B3GNT3: variants seen among roughly 807,000 people sequenced by gnomAD.
B3GNT3 encodes the protein UDP-GlcNAc:betaGal beta-1,3-N-acetylglucosaminyltransferase 3, also known as N-acetyllactosaminide beta-1,3-N-acetylglucosaminyltransferase 3.
In B3GNT3, 7 loss-of-function variants were observed where a neutral mutation model predicts 11.6. That is an observed-to-expected ratio of 0.60 (90% CI 0.34 to 1.13). The LOEUF (loss-of-function observed/expected upper bound fraction) is 1.13. Ranked by LOEUF, B3GNT3 falls within the 50% of genes most tolerant of loss-of-function variation. The probability of loss-of-function intolerance (pLI) is 0.03; values close to 1 mark genes in which losing one functional copy is unlikely to be tolerated. For missense variants in B3GNT3, 400 were observed against 507.4 expected (o/e 0.79, Z 2.03); for synonymous variants, 201 against 222.1 (o/e 0.90, Z 0.85).
At position 17,808,379 on chromosome 19, in the gene B3GNT3, G is replaced by T; in HGVS notation, c.567+5G>T. 6.3e-7 allele frequency: 1 copy of T among 1,596,970 alleles called. No homozygotes were observed. Among genetic ancestry groups the T allele is most frequent in the Non-Finnish European group, 8.6e-7 (1 of 1,169,430 alleles). ...TTCAACCTCACGCTCAAGCAGGTGC[G>T]CTGGACTGGGGTCACCTGATCGGGG... On this transcript the variant is annotated splice_donor_5th_base_variant and intron_variant, in intron 2 of 2. Transcript: ENST00000318683.
At chr19:17,798,898 A>G (rs1439528528) in intron 1 of B3GNT3, among the ~76,000 whole-genome samples, 1 of 151,914 alleles carries the variant, frequency 6.6e-6, no homozygotes, top group Non-Finnish European at 1.5e-5. Context: ...TGAGCCCTGG[A>G]GTTGGAGGCT....
chr19:17,798,874 G>T (rs1228734749), intron 1 of B3GNT3, among the ~76,000 whole-genome samples: 1 of 152,068 alleles, frequency 6.6e-6, no homozygotes, highest in Non-Finnish European at 1.5e-5. Flanking sequence ...GGAGGCTGAG[G>T]CAAGAGGATC....
chr19:17,805,336 C>G (rs1157573696), intron 1 of B3GNT3, among the ~76,000 whole-genome samples: 1 of 151,922 alleles, frequency 6.6e-6, no homozygotes, highest in Non-Finnish European at 1.5e-5. Context: ...TAAGCTCAAG[C>G]GATCCTCCTA....
intron 1 of B3GNT3, among the ~76,000 whole-genome samples, chr19:17,802,853 CT>C (rs796924754): frequency 2.7e-5 from 4 of 150,716 alleles, no homozygotes; most frequent in East Asian, 2.0e-4. Context: ...AATTTTTTTA[CT>C]TTTTTTTTTA....
intron 2 of B3GNT3, among the ~76,000 whole-genome samples, chr19:17,810,890 AT>A (rs898227208): frequency 1.8e-4 from 26 of 148,298 alleles, no homozygotes; most frequent in Non-Finnish European, 2.1e-4. Context: ...CTCCAAAAAA[AT>A]AATAATAATA....
chr19:17,807,650 T>G lies in B3GNT3; in HGVS notation c.-50-108T>G, dbSNP rs538967445. The stretch of plus-strand genomic sequence containing the variant: ...GGAGGAGTTAAGTGGGGGGTGAATT[T>G]CAATATTTTGCCAACCTGAGCAACT... On this transcript the variant is annotated intron_variant, in intron 1 of 2. Transcript: ENST00000318683. 7 of 682,318 alleles carry G rather than the reference T, an allele frequency of 1.0e-5. No homozygotes were observed. In the East Asian group the frequency reaches 1.7e-4, roughly 16 times the overall value. 42.3% of individuals were successfully genotyped at this position (682,318 alleles called of 1,614,324 possible).
intron 1 of B3GNT3, among the ~76,000 whole-genome samples, chr19:17,803,203 A>G (rs2094168535): frequency 6.6e-6 from 1 of 151,748 alleles, no homozygotes; most frequent in Admixed American, 6.6e-5. Flanking sequence ...ACAGAGTTTC[A>G]CCATGTTGGC....
chr19:17,809,612 A>C (rs2094178065), intron 2 of B3GNT3, among the ~76,000 whole-genome samples: 1 of 151,576 alleles, frequency 6.6e-6, no homozygotes, highest in African/African-American at 2.4e-5. Context: ...ATGCCCAGCT[A>C]ATTTTTTTGT....
At chr19:17,806,813 G>A (rs551178321) in intron 1 of B3GNT3, among the ~76,000 whole-genome samples, 50 of 152,066 alleles carry the variant, frequency 3.3e-4, no homozygotes, top group African/African-American at 9.2e-4. Context: ...TTAACTGGGC[G>A]TGGTGGCGCG....
At chr19:17,806,672 G>A (rs1032856920) in intron 1 of B3GNT3, among the ~76,000 whole-genome samples, 4 of 152,116 alleles carry the variant, frequency 2.6e-5, no homozygotes, top group African/African-American at 4.8e-5. Flanking sequence ...TCTGGGTTCC[G>A]GCTGGGGACG....
At chr19:17,806,671 C>T (rs780378937) in intron 1 of B3GNT3, among the ~76,000 whole-genome samples, 8 of 151,994 alleles carry the variant, frequency 5.3e-5, no homozygotes, top group East Asian at 1.9e-4. Context: ...TTCTGGGTTC[C>T]GGCTGGGGAC....
At position 17,798,397 on chromosome 19, in the gene B3GNT3, G is replaced by A. The variant is rs368525735; in HGVS notation, c.-51+3191G>A. 5.9e-5 allele frequency among the ~76,000 whole-genome samples: 9 copies of A among 152,272 alleles called. No individual in the cohort carries two copies. The South Asian group carries it at 8.3e-4, about 14-fold the overall frequency. Reference sequence around the variant, plus strand: ...CTATTAAATCTCATTGTGGCTGGGCGTGGTGGCTAACACCTGTATTTCCAG... The same window carrying A: ...CTATTAAATCTCATTGTGGCTGGGCATGGTGGCTAACACCTGTATTTCCAG... On this transcript the variant is annotated intron_variant, in intron 1 of 2. Coordinates refer to ENST00000318683, the MANE Select transcript of B3GNT3 (RefSeq NM_014256.4).
chr19:17,813,505 A>T lies in B3GNT3; in HGVS notation c.*1383A>T, dbSNP rs534033299. Among the ~76,000 whole-genome samples the T allele has an allele frequency of 3.3e-5, 5 of 151,532 alleles. No individual in the cohort carries two copies. The highest frequency in any genetic ancestry group is 6.6e-5 in the Admixed American group (1 of 15,184). ...CAGGAATTTCTATCAGGCAGATCTGACCTCATCCCACCCACCCCCTGCTCA... is the reference window on the plus strand; with the variant it reads ...CAGGAATTTCTATCAGGCAGATCTGTCCTCATCCCACCCACCCCCTGCTCA... On this transcript the variant is annotated 3_prime_UTR_variant, in exon 3 of 3. Coordinates refer to ENST00000318683, the MANE Select transcript of B3GNT3 (RefSeq NM_014256.4).
At chr19:17,798,308 C>T (rs2094161869) in intron 1 of B3GNT3, among the ~76,000 whole-genome samples, 1 of 152,220 alleles carries the variant, frequency 6.6e-6, no homozygotes, top group South Asian at 2.1e-4. Flanking sequence ...GTGGCATACG[C>T]TAGGTGCTCA....
chr19:17,809,214 CT>C (rs1366155400), intron 2 of B3GNT3, among the ~76,000 whole-genome samples: 2 of 152,062 alleles, frequency 1.3e-5, no homozygotes, highest in Non-Finnish European at 2.9e-5. Flanking sequence ...TGCTGTGTCC[CT>C]AATGCCTAGA....
At chr19:17,807,252 G>A (rs1317450216) in intron 1 of B3GNT3, among the ~76,000 whole-genome samples, 2 of 151,930 alleles carry the variant, frequency 1.3e-5, no homozygotes, top group African/African-American at 4.8e-5. Context: ...CCCTTTGGGA[G>A]GCCGAGGCAG....
At chr19:17,802,972 G>A (rs2094168143) in intron 1 of B3GNT3, among the ~76,000 whole-genome samples, 1 of 151,500 alleles carries the variant, frequency 6.6e-6, no homozygotes, top group African/African-American at 2.4e-5. Flanking sequence ...TTATAGGCAT[G>A]AGCTACTGCA....
At chr19:17,809,241 C>T (rs1386610089) in intron 2 of B3GNT3, among the ~76,000 whole-genome samples, 2 of 152,032 alleles carry the variant, frequency 1.3e-5, no homozygotes, top group African/African-American at 2.4e-5. Context: ...TTCAGGTGCA[C>T]AGCATGTGCT....
In B3GNT3 at chr19:17,813,479, G is replaced by A. The variant is rs2094183803; in HGVS notation, c.*1357G>A. On this transcript the variant is annotated 3_prime_UTR_variant, in exon 3 of 3. Transcript: ENST00000318683. ...ACAGGACATGTGTGAGGCAAAAGCT[G>A]CAGGAATTTCTATCAGGCAGATCTG... Among the ~76,000 whole-genome samples, 1 of 151,988 alleles carries A rather than the reference G, an allele frequency of 6.6e-6. No homozygotes were observed. Among genetic ancestry groups the A allele is most frequent in the Non-Finnish European group, 1.5e-5 (1 of 68,032 alleles).
Sources: allele counts gnomAD v4.1 joint callset (sites outside exome capture counted in the v4.1 genomes callset), GRCh38; gene constraint gnomAD v4.1.1; transcripts MANE v1.5; gene names NCBI Gene and HGNC (gene_info 2026-07-23, HGNC 2026-07-21).